Variants in SUMF1 observed in about 807,000 individuals in gnomAD.
The protein encoded by SUMF1 is formylglycine-generating enzyme.
Under a neutral mutation model 47.6 loss-of-function variants are expected in SUMF1, and 48 were observed. That is an observed-to-expected ratio of 1.01 (90% CI 0.80 to 1.28). The LOEUF is 1.28. Ranked by LOEUF, SUMF1 falls within the 50% of genes most tolerant of loss-of-function variation. SUMF1 has a pLI of 0.00. For synonymous variants in SUMF1, 230 were observed against 192.1 expected (o/e 1.20, Z -1.63); for missense variants, 571 against 485.4 (o/e 1.18, Z -1.66).
intron 8 of SUMF1, chr3:4,312,758 C>G: frequency 2.7e-6 from 2 of 730,044 alleles, no homozygotes; most frequent in Non-Finnish European, 3.9e-6. Context: ...TGGACAATAT[C>G]TTAGTATGCT....
chr3:4,072,712 T>C (rs1692301628), intron 8 of SUMF1, among the ~76,000 whole-genome samples: 1 of 151,948 alleles, frequency 6.6e-6, no homozygotes. Flanking sequence ...GCTGATTCGA[T>C]CAAGCAGAAC....
At chr3:4,303,679 G>A in intron 8 of SUMF1, 2 of 1,494,636 alleles carry the variant, frequency 1.3e-6, no homozygotes, top group Non-Finnish European at 8.9e-7. Context: ...TGCATGCCCC[G>A]GCCTGGGCCT....
At chr3:4,438,560 C>G (rs796629830) in intron 3 of SUMF1, among the ~76,000 whole-genome samples, 5 of 152,326 alleles carry the variant, frequency 3.3e-5, no homozygotes, top group African/African-American at 1.2e-4. Flanking sequence ...AGAACCCCTA[C>G]TTACCTCTGA....
At chr3:4,195,112 G>A (rs1213158370) in intron 8 of SUMF1, among the ~76,000 whole-genome samples, 1 of 152,036 alleles carries the variant, frequency 6.6e-6, no homozygotes, top group African/African-American at 2.4e-5. Flanking sequence ...TCTATAGCAA[G>A]GAAACACAAA....
At chr3:4,251,075 T>C (rs1160787383) in intron 8 of SUMF1, among the ~76,000 whole-genome samples, 1 of 152,162 alleles carries the variant, frequency 6.6e-6, no homozygotes, top group Non-Finnish European at 1.5e-5. Flanking sequence ...GCAAAGCAAA[T>C]TGAAAGCCTT....
intron 8 of SUMF1, among the ~76,000 whole-genome samples, chr3:4,110,682 T>C (rs1223030555): frequency 1.3e-5 from 2 of 151,944 alleles, no homozygotes; most frequent in South Asian, 2.1e-4. Context: ...GATGAGTTCA[T>C]GTCCTTTGTA....
intron 8 of SUMF1, among the ~76,000 whole-genome samples, chr3:4,141,436 C>T (rs1404196014): frequency 6.6e-6 from 1 of 152,096 alleles, no homozygotes; most frequent in East Asian, 1.9e-4. Flanking sequence ...ATAACTTGAC[C>T]AGCAGCAAAA....
At chr3:4,198,045 TC>T (rs1695466702) in intron 8 of SUMF1, among the ~76,000 whole-genome samples, 1 of 130,974 alleles carries the variant, frequency 7.6e-6, no homozygotes, top group Non-Finnish European at 1.7e-5. Context: ...TTTTTTTTTT[TC>T]GGAAAGAGAG....
chr3:4,441,148 T>A (rs1702574453), intron 3 of SUMF1, among the ~76,000 whole-genome samples: 1 of 152,166 alleles, frequency 6.6e-6, no homozygotes, highest in African/African-American at 2.4e-5. Context: ...TCCTCGTTGT[T>A]TGCGTTACCA....
At chr3:4,289,832 G>T (rs1697706053) in intron 8 of SUMF1, among the ~76,000 whole-genome samples, 1 of 152,146 alleles carries the variant, frequency 6.6e-6, no homozygotes, top group Non-Finnish European at 1.5e-5. Flanking sequence ...TAAACACGCT[G>T]AATAACTACA....
chr3:4,392,662 G>C (rs565311729), intron 7 of SUMF1, among the ~76,000 whole-genome samples: 5 of 150,200 alleles, frequency 3.3e-5, no homozygotes, highest in Admixed American at 1.3e-4. Context: ...TATAAAGAGA[G>C]AAAGAGAGCG....
At chr3:4,264,500 A>G (rs1041845434) in intron 8 of SUMF1, among the ~76,000 whole-genome samples, 3 of 152,186 alleles carry the variant, frequency 2.0e-5, no homozygotes, top group African/African-American at 7.2e-5. Context: ...TCAGCATCAG[A>G]ACACTTTTTT....
At chr3:4,232,020 C>T (rs191253433) in intron 8 of SUMF1, among the ~76,000 whole-genome samples, 11 of 152,246 alleles carry the variant, frequency 7.2e-5, no homozygotes, top group Non-Finnish European at 1.6e-4. Context: ...GAACAAGTAA[C>T]TGAAACTAGT....
At chr3:4,177,631 T>G (rs1439559564) in intron 8 of SUMF1, among the ~76,000 whole-genome samples, 1 of 151,924 alleles carries the variant, frequency 6.6e-6, no homozygotes, top group Non-Finnish European at 1.5e-5. Context: ...TTAAAAGAAC[T>G]AGAGAAGCAA....
intron 8 of SUMF1, among the ~76,000 whole-genome samples, chr3:4,140,237 C>G (rs1012245800): frequency 2.0e-5 from 3 of 152,030 alleles, no homozygotes; most frequent in African/African-American, 7.2e-5. Context: ...ATGCTTCTCC[C>G]AAATTCTAGA....
At position 4,441,922 on chromosome 3, in the gene SUMF1, G is replaced by T. The variant is rs141119296; in HGVS notation, c.519+7344C>A. ...CTAGAGAGCAATACCCAAAACCCAGGAACAATGTGCACAGCAAATCCATGT... is the reference window on the plus strand; with the variant it reads ...CTAGAGAGCAATACCCAAAACCCAGTAACAATGTGCACAGCAAATCCATGT... On this transcript the variant is annotated intron_variant, in intron 3 of 8. Transcript: ENST00000272902. Among the ~76,000 whole-genome samples the T allele has an allele frequency of 3.1e-3, 472 of 152,144 alleles. 3 individuals carry two copies. Among genetic ancestry groups the T allele is most frequent in the African/African-American group, 0.011 (462 of 41,502 alleles).
intron 8 of SUMF1, among the ~76,000 whole-genome samples, chr3:4,104,370 C>T (rs1693107852): frequency 6.6e-6 from 1 of 152,066 alleles, no homozygotes; most frequent in Non-Finnish European, 1.5e-5. Flanking sequence ...ATAAATTACC[C>T]TGTCTCAGGT....
At chr3:4,427,601 G>T (rs1702107850) in intron 3 of SUMF1, among the ~76,000 whole-genome samples, 1 of 152,194 alleles carries the variant, frequency 6.6e-6, no homozygotes, top group South Asian at 2.1e-4. Flanking sequence ...TTAATAGACT[G>T]CATGGGAGAG....
intron 7 of SUMF1, among the ~76,000 whole-genome samples, chr3:4,389,803 T>G (rs1700796501): frequency 6.6e-6 from 1 of 152,188 alleles, no homozygotes. Flanking sequence ...GTTCTAAAAT[T>G]TGCATTTGGT....
Sources: allele counts gnomAD v4.1 joint callset (sites outside exome capture counted in the v4.1 genomes callset), GRCh38; gene constraint gnomAD v4.1.1; transcripts MANE v1.5; gene names NCBI Gene and HGNC (gene_info 2026-07-23, HGNC 2026-07-21).